The following IGF2R variants were observed in gnomAD, a reference collection of about 807,000 sequenced individuals.
The protein encoded by IGF2R is cation-independent mannose-6-phosphate receptor.
A neutral mutation model predicts 270.6 loss-of-function variants in IGF2R; 91 were observed. The ratio of observed to expected loss-of-function variants is 0.34; its 90% CI spans 0.28 to 0.40. The LOEUF (loss-of-function observed/expected upper bound fraction) is 0.40, where lower values mean the gene tolerates loss of function less well. IGF2R is among the 10% of genes least tolerant of loss of function. The probability of loss-of-function intolerance (pLI) is 1.00; values close to 1 mark genes in which losing one functional copy is unlikely to be tolerated. For synonymous variants in IGF2R, 1,316 were observed against 1,258.9 expected, an observed-to-expected ratio of 1.05 and a Z score of -0.96; for missense variants, 2,805 against 3,188.3, an observed-to-expected ratio of 0.88 and a Z score of 2.90.
At chr6:160,057,205 C>G (rs1234393116) in intron 20 of IGF2R, among the ~76,000 whole-genome samples, 1 of 152,214 alleles carries the variant, frequency 6.6e-6, no homozygotes, top group Non-Finnish European at 1.5e-5. Flanking sequence ...TCTCTCAGTG[C>G]CTACTGGCTC....
intron 2 of IGF2R, chr6:160,003,166 T>C (rs1784156506): frequency 6.6e-6 from 1 of 152,248 alleles, no homozygotes; most frequent in African/African-American, 2.4e-5. Flanking sequence ...GTCTGATTCT[T>C]GTATGCACTC....
Position 160,102,699 on chromosome 6 carries a change from C to A in IGF2R, c.6995+28C>A. On this transcript the variant is annotated intron_variant, in intron 46 of 47. Coordinates refer to ENST00000356956, the MANE Select transcript of IGF2R (RefSeq NM_000876.4). The surrounding 1 kb of genome is among the most constrained non-coding windows in gnomAD (Gnocchi z 4.5). Reference sequence around the variant, plus strand: ...AAGCGGGTGGCAGGGCGAGGTGGGGCGGGTGGATGCATGCCTCCCATAGCT... The same window carrying A: ...AAGCGGGTGGCAGGGCGAGGTGGGGAGGGTGGATGCATGCCTCCCATAGCT... 1.3e-6 allele frequency: 2 copies of A among 1,561,124 alleles called. No homozygotes were observed. Among genetic ancestry groups the A allele is most frequent in the Non-Finnish European group, 1.7e-6 (2 of 1,148,080 alleles).
chr6:159,978,019 C>A (rs572101493), intron 1 of IGF2R, among the ~76,000 whole-genome samples: 8 of 152,280 alleles, frequency 5.3e-5, no homozygotes, highest in African/African-American at 1.9e-4. Flanking sequence ...GTTGCTTTAT[C>A]TGTAAGTTAC....
chr6:160,018,255 A>G (rs960624912), intron 4 of IGF2R, among the ~76,000 whole-genome samples: 5 of 152,224 alleles, frequency 3.3e-5, no homozygotes, highest in African/African-American at 7.2e-5. Flanking sequence ...AACAGTAAAA[A>G]AAAAGGAAAA....
chr6:159,984,421 A>C (rs953885088), intron 1 of IGF2R, among the ~76,000 whole-genome samples: 3 of 151,616 alleles, frequency 2.0e-5, no homozygotes, highest in Non-Finnish European at 4.4e-5. Flanking sequence ...CTTTAGGTCC[A>C]CTCACTCACT....
chr6:160,056,426 C>T lies in IGF2R; in HGVS notation c.2697C>T (p.Asn899=). 3 of 1,611,016 alleles carry T rather than the reference C, an allele frequency of 1.9e-6. No homozygotes were observed. The highest frequency in any genetic ancestry group is 2.5e-6 in the Non-Finnish European group (3 of 1,177,142). The change falls in exon 20 of 48, where the codon AAC becomes AAT. Residue 899 remains asparagine, a splice_region_variant and synonymous_variant. Coordinates refer to ENST00000356956, the MANE Select transcript of IGF2R (RefSeq NM_000876.4). ...TTACCCTGGATTTGCCCATTCAGAACAGCCACCCCATCTTTTCTCTCAACT... is the reference window on the plus strand; with the variant it reads ...TTACCCTGGATTTGCCCATTCAGAATAGCCACCCCATCTTTTCTCTCAACT... ...IHLVCSRGRL[N]SHPIFSLNWE... is the part of the protein sequence containing the mutation.
Position 160,043,252 on chromosome 6 carries a change from C to A in IGF2R, c.1585C>A (p.Arg529=), listed in dbSNP as rs372975717. 3 of 1,614,152 alleles carry A rather than the reference C, an allele frequency of 1.9e-6. No homozygotes were observed. Among genetic ancestry groups the A allele is most frequent in the Non-Finnish European group, 2.5e-6 (3 of 1,180,022 alleles). Residue 529 remains arginine, a synonymous_variant, in exon 12 of 48, where the codon CGA becomes AGA. Transcript: ENST00000356956. ...CHRVLQEGKA[R]GCPEDAAVCA... is the part of the protein sequence containing the mutation. ...CAGAGTGCTGCAGGAAGGCAAGGCA[C>A]GAGGGTGTCCCGAGGACGCGGCAGT...
intron 38 of IGF2R, 75 bp from the exon 39 acceptor site, chr6:160,080,054 C>T (rs980993937): frequency 6.5e-7 from 1 of 1,528,146 alleles, no homozygotes; most frequent in Non-Finnish European, 9.0e-7. Flanking sequence ...TCCTTAGGGA[C>T]TGCTGCTGCA....
rs113521876 is a variant in IGF2R at position 160,059,985 on chromosome 6, G to A, written c.3092-562G>A. On this transcript the variant is annotated intron_variant, in intron 22 of 47. Transcript: ENST00000356956. Reference sequence around the variant, plus strand: ...AACTCGTGGGATTTAAATATTTTCTGGAAGAGTAGGAATGCCAGGATGTTA... The same window carrying A: ...AACTCGTGGGATTTAAATATTTTCTAGAAGAGTAGGAATGCCAGGATGTTA... 3.7e-3 allele frequency among the ~76,000 whole-genome samples: 558 copies of A among 152,370 alleles called. 6 individuals are homozygous for A. The highest frequency in any genetic ancestry group is 0.013 in the African/African-American group (536 of 41,588).
intron 30 of IGF2R, 26 bp from the exon 31 acceptor site, chr6:160,069,842 A>G: frequency 1.2e-6 from 2 of 1,608,866 alleles, no homozygotes; most frequent in Middle Eastern, 1.8e-4. Context: ...ACTAAAGGCA[A>G]CTCTTTCTTG....
At chr6:160,048,325 G>A in intron 17 of IGF2R, 50 bp from the exon 18 acceptor site, 1 of 1,531,798 alleles carries the variant, frequency 6.5e-7, no homozygotes, top group East Asian at 2.2e-5. Context: ...AAATGAGACT[G>A]AAATGTGTAA....
chr6:159,991,377 C>T (rs1783977313), intron 2 of IGF2R, 54 bp downstream of exon 2: 1 of 1,547,358 alleles, frequency 6.5e-7, no homozygotes, highest in Non-Finnish European at 8.8e-7. Flanking sequence ...CCCAATTTTG[C>T]AAAAATGACT....
chr6:160,045,479 A>G (rs1475643995), intron 13 of IGF2R, among the ~76,000 whole-genome samples: 1 of 152,240 alleles, frequency 6.6e-6, no homozygotes, highest in East Asian at 1.9e-4. Context: ...GAACTTTTTG[A>G]TCCTCCCAGA....
chr6:160,107,251 C>T lies in IGF2R; in HGVS notation c.*2167C>T, dbSNP rs1779642010. ...CTGTTCTCCAGGCCATTCCCACCTC[C>T]TGCTAAGACCATGGGGAGCCCTCTC... On this transcript the variant is annotated 3_prime_UTR_variant, in exon 48 of 48. Coordinates refer to ENST00000356956, the MANE Select transcript of IGF2R (RefSeq NM_000876.4). The T allele has an allele frequency of 6.6e-6, 1 of 152,284 alleles. No homozygotes were observed. Among genetic ancestry groups the T allele is most frequent in the African/African-American group, 2.4e-5 (1 of 41,472 alleles). The allele number at this position is 152,284 out of a possible 1,614,324, so 9.4% of individuals were successfully genotyped here. A position where few individuals can be genotyped will look rare whatever the true frequency, so the allele number is the denominator to read the frequency against.
intron 42 of IGF2R, among the ~76,000 whole-genome samples, chr6:160,088,517 C>T (rs1044700488): frequency 1.3e-5 from 2 of 152,338 alleles, no homozygotes; most frequent in African/African-American, 4.8e-5. Context: ...GGACCTGCAT[C>T]TGGACCTGGG....
At chr6:160,069,550 C>A (rs1778668642) in intron 30 of IGF2R, among the ~76,000 whole-genome samples, 1 of 152,124 alleles carries the variant, frequency 6.6e-6, no homozygotes, top group African/African-American at 2.4e-5. Context: ...TTAAAATGTT[C>A]CTCTGTCTTA....
At chr6:159,974,239 G>A (rs1296071075) in intron 1 of IGF2R, among the ~76,000 whole-genome samples, 1 of 151,652 alleles carries the variant, frequency 6.6e-6, no homozygotes, top group Non-Finnish European at 1.5e-5. Context: ...TCATGATGTT[G>A]AGCAAGAAAG....
intron 41 of IGF2R, among the ~76,000 whole-genome samples, chr6:160,085,884 C>A (rs1478168603): frequency 1.3e-5 from 2 of 152,186 alleles, no homozygotes; most frequent in Non-Finnish European, 2.9e-5. Context: ...GGAAGTGGCG[C>A]CCAGACCGCC....
At chr6:160,062,066 A>G in intron 25 of IGF2R, 138 bp downstream of exon 25, 1 of 740,738 alleles carries the variant, frequency 1.3e-6, no homozygotes, top group South Asian at 1.9e-5. Flanking sequence ...GGGTTTGACG[A>G]GAATGCACTC....
Sources: allele counts gnomAD v4.1 joint callset (sites outside exome capture counted in the v4.1 genomes callset), GRCh38; gene constraint gnomAD v4.1.1; non-coding constraint Gnocchi (gnomAD v3.1); transcripts MANE v1.5; gene names NCBI Gene and HGNC (gene_info 2026-07-23, HGNC 2026-07-21).